Variants in EXOC4 observed in about 807,000 individuals in gnomAD.
The protein encoded by EXOC4 is exocyst complex component 4.
Under a neutral mutation model 107.2 loss-of-function variants are expected in EXOC4, and 71 were observed. That is an observed-to-expected ratio of 0.66 (90% confidence interval 0.55 to 0.81). The LOEUF is 0.81. Ranked by LOEUF, EXOC4 falls within the 30% of genes least tolerant of loss-of-function variation. The pLI is 0.00. For missense variants in EXOC4, 1,108 were observed against 1,189.6 expected, an observed-to-expected ratio of 0.93 and a Z score of 1.01; for synonymous variants, 456 against 441.2, an observed-to-expected ratio of 1.03 and a Z score of -0.42.
At chr7:133,316,428 G>C (rs2150580625) in intron 4 of EXOC4, among the ~76,000 whole-genome samples, 1 of 152,226 alleles carries the variant, frequency 6.6e-6, no homozygotes, top group East Asian at 1.9e-4. Context: ...TTGGCTTCGA[G>C]GGGCTCTTCT....
chr7:133,916,343 C>A (rs185579795), intron 12 of EXOC4, among the ~76,000 whole-genome samples: 3 of 152,324 alleles, frequency 2.0e-5, no homozygotes, highest in Admixed American at 1.3e-4. Context: ...CAGGACCAGT[C>A]CGTGGCCCAG....
chr7:133,672,335 G>C (rs1468600523), intron 10 of EXOC4, among the ~76,000 whole-genome samples: 1 of 150,714 alleles, frequency 6.6e-6, no homozygotes, highest in African/African-American at 2.5e-5. Context: ...AGCTTGCAGT[G>C]AGCCGAGATC....
At chr7:133,554,548 C>T (rs1198206034) in intron 9 of EXOC4, among the ~76,000 whole-genome samples, 1 of 152,052 alleles carries the variant, frequency 6.6e-6, no homozygotes, top group Non-Finnish European at 1.5e-5. Flanking sequence ...ACAAAATCAC[C>T]ATGAATCAGA....
At chr7:133,710,104 G>A (rs1183373363) in intron 10 of EXOC4, among the ~76,000 whole-genome samples, 1 of 152,030 alleles carries the variant, frequency 6.6e-6, no homozygotes, top group African/African-American at 2.4e-5. Context: ...ATAAAATATC[G>A]TATGCCATAG....
intron 10 of EXOC4, among the ~76,000 whole-genome samples, chr7:133,745,520 T>C (rs934696274): frequency 1.3e-5 from 2 of 152,096 alleles, no homozygotes; most frequent in African/African-American, 2.4e-5. Context: ...AACAAAAACT[T>C]ATTAAATTAT....
chr7:133,603,684 C>T (rs1327150992), intron 9 of EXOC4, among the ~76,000 whole-genome samples: 2 of 152,120 alleles, frequency 1.3e-5, no homozygotes, highest in Non-Finnish European at 2.9e-5. Context: ...TGAAAATGGT[C>T]CATCTGTATG....
intron 10 of EXOC4, among the ~76,000 whole-genome samples, chr7:133,664,804 A>G (rs140073305): frequency 1.9e-3 from 284 of 152,256 alleles, no homozygotes; most frequent in African/African-American, 6.4e-3. Context: ...AGGCTGAGCA[A>G]CCATGCAAGG....
chr7:133,624,520 C>T (rs1585039157), intron 9 of EXOC4, among the ~76,000 whole-genome samples: 1 of 152,086 alleles, frequency 6.6e-6, no homozygotes, highest in East Asian at 1.9e-4. Context: ...AAGGTTGAGG[C>T]TGCAGTGAGC....
At chr7:133,473,281 A>G (rs1798926333) in intron 7 of EXOC4, among the ~76,000 whole-genome samples, 1 of 152,216 alleles carries the variant, frequency 6.6e-6, no homozygotes, top group South Asian at 2.1e-4. Context: ...AGTACTTATC[A>G]TTATATTATT....
chr7:133,573,633 T>G (rs866677485), intron 9 of EXOC4, among the ~76,000 whole-genome samples: 4 of 152,220 alleles, frequency 2.6e-5, no homozygotes, highest in South Asian at 4.2e-4. Context: ...TTCCTTCCCC[T>G]CTCTCCCCTC....
At chr7:133,814,430 CT>C (rs1231919209) in intron 10 of EXOC4, among the ~76,000 whole-genome samples, 1 of 152,122 alleles carries the variant, frequency 6.6e-6, no homozygotes, top group African/African-American at 2.4e-5. Flanking sequence ...AATTGATGAA[CT>C]TTTAGGTTAT....
chr7:133,461,623 C>T (rs1165753198), intron 7 of EXOC4, among the ~76,000 whole-genome samples: 2 of 152,168 alleles, frequency 1.3e-5, no homozygotes, highest in South Asian at 2.1e-4. Flanking sequence ...TCTTTCAGGT[C>T]GTTAGGGTGG....
chr7:133,686,272 G>A (rs186653163), intron 10 of EXOC4, among the ~76,000 whole-genome samples: 40 of 152,120 alleles, frequency 2.6e-4, no homozygotes, highest in African/African-American at 8.9e-4. Context: ...CCCAGTTTTA[G>A]GTATTATAAG....
intron 10 of EXOC4, among the ~76,000 whole-genome samples, chr7:133,804,681 T>A (rs1260675790): frequency 6.6e-6 from 1 of 152,214 alleles, no homozygotes; most frequent in East Asian, 1.9e-4. Context: ...TTCCAGTCTT[T>A]GACTTCTGTT....
chr7:133,512,173 T>C (rs919618687), intron 9 of EXOC4, among the ~76,000 whole-genome samples: 2 of 152,118 alleles, frequency 1.3e-5, no homozygotes, highest in Admixed American at 6.5e-5. Context: ...CTCACGCCTG[T>C]AATCCCAGCA....
chr7:134,044,333 A>C (rs1356900490), intron 17 of EXOC4, among the ~76,000 whole-genome samples: 1 of 152,180 alleles, frequency 6.6e-6, no homozygotes, highest in African/African-American at 2.4e-5. Flanking sequence ...AAGCACTAGA[A>C]ATTAGGAGAC....
At chr7:133,415,507 G>C (rs1229916521) in intron 7 of EXOC4, among the ~76,000 whole-genome samples, 1 of 152,016 alleles carries the variant, frequency 6.6e-6, no homozygotes, top group Admixed American at 6.6e-5. Context: ...GCATTTCTCT[G>C]GTGGCTAATG....
chr7:133,355,083 G>A (rs1385416776), intron 5 of EXOC4, among the ~76,000 whole-genome samples: 1 of 152,170 alleles, frequency 6.6e-6, no homozygotes, highest in African/African-American at 2.4e-5. Flanking sequence ...TGGACTTTGT[G>A]TAGCAGTTAC....
chr7:133,873,522 T>C (rs976682537), intron 11 of EXOC4, among the ~76,000 whole-genome samples: 5 of 152,110 alleles, frequency 3.3e-5, no homozygotes, highest in Non-Finnish European at 7.4e-5. Flanking sequence ...TGTGAAGATG[T>C]TAAGTTTATT....
Sources: gnomAD v4.1 joint callset for allele counts (sites outside exome capture counted in the v4.1 genomes callset) on GRCh38, gnomAD v4.1.1 for gene constraint, MANE v1.5 for transcripts, NCBI Gene and HGNC (gene_info 2026-07-23, HGNC 2026-07-21) for gene names.